The following RSL1D1 variants were observed in gnomAD, a reference collection of about 807,000 sequenced individuals.
RSL1D1 encodes ribosomal L1 domain containing 1.
In RSL1D1, 34 loss-of-function variants were observed where a neutral mutation model predicts 44.6. The observed-to-expected ratio is 0.76, with a 90% CI of 0.58 to 1.02. The LOEUF is 1.02. RSL1D1 is among the 50% of genes least tolerant of loss of function. The pLI is 0.00. For synonymous variants in RSL1D1, 271 were observed against 207.4 expected, an observed-to-expected ratio of 1.31 and a Z score of -2.63; for missense variants, 767 against 568.1, an observed-to-expected ratio of 1.35 and a Z score of -3.56.
At chr16:11,846,945 A>C in intron 3 of RSL1D1, 102 bp from the exon 4 acceptor site, 1 of 1,023,544 alleles carries the variant, frequency 9.8e-7, no homozygotes, top group Non-Finnish European at 1.5e-6. Flanking sequence ...AATGTCCTAG[A>C]GCCATGCCTC....
At position 11,851,500 on chromosome 16, in the gene RSL1D1, C is replaced by A; in HGVS notation, c.13G>T (p.Ala5Ser). The change falls in exon 1 of 9, where the codon GCC (alanine) becomes TCC (serine). Residue 5 changes from alanine to serine, a missense_variant. Ala to Ser is a moderately conservative substitution (Grantham distance 99, BLOSUM62 1). Coordinates refer to ENST00000571133, the MANE Select transcript of RSL1D1 (RefSeq NM_015659.3). Reference sequence around the variant, plus strand: ...GCTGCAGAAGACAGCGAGGCCGAGGCCGAATCCTCCATCTTGTTTCCACCT... The same window carrying A: ...GCTGCAGAAGACAGCGAGGCCGAGGACGAATCCTCCATCTTGTTTCCACCT... Reference protein sequence around the residue: MEDSASASLSSAAAT... With the variant: MEDSSSASLSSAAAT... 1.2e-6 allele frequency: 2 copies of A among 1,613,778 alleles called. No individual in the cohort carries two copies. The highest frequency in any genetic ancestry group is 1.7e-6 in the Non-Finnish European group (2 of 1,179,956).
rs557316201 is a variant in RSL1D1 at position 11,842,761 on chromosome 16, C to CT, written c.636-762dup. Among the ~76,000 whole-genome samples, 949 of 137,270 alleles carry CT rather than the reference C, an allele frequency of 6.9e-3. 3 individuals carry two copies. Among genetic ancestry groups the CT allele is most frequent in the African/African-American group, 0.013 (502 of 37,290 alleles). 90.1% of individuals were successfully genotyped at this position (137,270 alleles called of 152,430 possible). A position where few individuals can be genotyped will look rare whatever the true frequency, so the allele number is the denominator to read the frequency against. On this transcript the variant is annotated intron_variant, in intron 5 of 8. Coordinates refer to ENST00000571133, the MANE Select transcript of RSL1D1 (RefSeq NM_015659.3). Reference sequence around the variant, plus strand: ...AAAATGTCACATCATGAAGGGGTGACTTTTTTTTTTTTTGAGATGGAGTTT... The same window carrying CT: ...AAAATGTCACATCATGAAGGGGTGACTTTTTTTTTTTTTTGAGATGGAGTTT...
chr16:11,842,577 T>C (rs2053770322), intron 5 of RSL1D1, among the ~76,000 whole-genome samples: 1 of 152,034 alleles, frequency 6.6e-6, no homozygotes, highest in Admixed American at 6.6e-5. Flanking sequence ...GCTCAAGTGA[T>C]CCACCAGGCT....
At chr16:11,840,924 C>T (rs1030848246) in intron 7 of RSL1D1, among the ~76,000 whole-genome samples, 1 of 152,190 alleles carries the variant, frequency 6.6e-6, no homozygotes, top group Admixed American at 6.5e-5. Context: ...CTCCAGCCAC[C>T]TACAACCGTG....
Position 11,840,042 on chromosome 16 carries a change from C to A in RSL1D1, c.856-57G>T, listed in dbSNP as rs2053754322. The A allele has an allele frequency of 1.9e-6, 3 of 1,579,070 alleles. No homozygotes were observed. In the Admixed American group the frequency reaches 5.5e-5, roughly 29 times the overall value. ...AGGAACAGTTCTGTTGGTTAACAAACGGCATAGATGTACCACGTGCAGTTT... is the reference window on the plus strand; with the variant it reads ...AGGAACAGTTCTGTTGGTTAACAAAAGGCATAGATGTACCACGTGCAGTTT... On this transcript the variant is annotated intron_variant, in intron 7 of 8. Coordinates refer to ENST00000571133, the MANE Select transcript of RSL1D1 (RefSeq NM_015659.3).
chr16:11,845,860 C>G (rs1051640341), intron 5 of RSL1D1, among the ~76,000 whole-genome samples: 1 of 151,664 alleles, frequency 6.6e-6, no homozygotes, highest in African/African-American at 2.4e-5. Context: ...TAGCTGGGAG[C>G]ACAGGGATGC....
At chr16:11,849,842 TTTA>T (rs1251260785) in intron 2 of RSL1D1, among the ~76,000 whole-genome samples, 1 of 151,926 alleles carries the variant, frequency 6.6e-6, no homozygotes, top group Non-Finnish European at 1.5e-5. Context: ...CTACGGTTCT[TTTA>T]TTTTTTATTA....
At chr16:11,847,552 A>T in intron 3 of RSL1D1, 116 bp downstream of exon 3, 1 of 924,884 alleles carries the variant, frequency 1.1e-6, no homozygotes, top group East Asian at 2.4e-5. Flanking sequence ...CACAAATTAA[A>T]TTAAAAAGAG....
chr16:11,839,923 C>A lies in RSL1D1; in HGVS notation c.918G>T (p.Arg306Ser), dbSNP rs1376182259. ...FEKQKERKKK[R>S]QQARKTASVL... is the part of the protein sequence containing the mutation. ...CTGATGCAGTCTTCCTAGCCTGCTGCCTCTTCTTCTTCCTCTCCTTTTGTT... is the reference window on the plus strand; with the variant it reads ...CTGATGCAGTCTTCCTAGCCTGCTGACTCTTCTTCTTCCTCTCCTTTTGTT... Residue 306 changes from arginine to serine, a missense_variant, in exon 8 of 9, where the codon AGG (arginine) becomes AGT (serine). Arg to Ser is a moderately radical substitution (Grantham distance 110). Transcript: ENST00000571133. 1.9e-6 allele frequency: 3 copies of A among 1,613,786 alleles called. No homozygotes were observed. The South Asian group carries it at 3.3e-5, about 18-fold the overall frequency.
intron 7 of RSL1D1, 93 bp from the exon 8 acceptor site, chr16:11,840,078 TAAGCCCC>T: frequency 1.3e-6 from 2 of 1,522,794 alleles, no homozygotes; most frequent in South Asian, 1.3e-5. Flanking sequence ...TGATTATCCA[TAAGCCCC>T]TAAATGGACC....
In RSL1D1 at chr16:11,835,038, G is replaced by T. The variant is rs532411399; in HGVS notation, c.*2749C>A. Reference sequence around the variant, plus strand: ...AGGTGGGAAGATCGCCTTGAGCCCAGGAAATTGAGGCTGGAGCTGTGATGA... The same window carrying T: ...AGGTGGGAAGATCGCCTTGAGCCCATGAAATTGAGGCTGGAGCTGTGATGA... On this transcript the variant is annotated 3_prime_UTR_variant, in exon 9 of 9. Transcript: ENST00000571133. 2 of 152,368 alleles carry T rather than the reference G, an allele frequency of 1.3e-5. No homozygotes were observed. The highest frequency in any genetic ancestry group is 2.1e-4 in the South Asian group (1 of 4,826). The allele number at this position is 152,368 out of a possible 1,614,324, so 9.4% of individuals were successfully genotyped here.
chr16:11,839,108 G>A (rs996901039), intron 8 of RSL1D1, among the ~76,000 whole-genome samples: 3 of 152,082 alleles, frequency 2.0e-5, no homozygotes, highest in Admixed American at 2.0e-4. Context: ...GTTCATGCCT[G>A]TAATCCCAGC....
rs2053809171 is a variant in RSL1D1, at chr16:11,847,715, A to T, written c.337T>A (p.Phe113Ile). 1 of 1,613,436 alleles carries T rather than the reference A, an allele frequency of 6.2e-7. No homozygotes were observed. The highest frequency in any genetic ancestry group is 8.5e-7 in the Non-Finnish European group (1 of 1,179,560). The change falls in exon 3 of 9, where the codon TTT (phenylalanine) becomes ATT (isoleucine). Residue 113 changes from phenylalanine (F) to isoleucine (I), a missense_variant. Coordinates refer to ENST00000571133, the MANE Select transcript of RSL1D1 (RefSeq NM_015659.3). ...PNSTPEKTEQ[F>I]YRKLLNKHGI... ...TGCTTGTTTAAAAGCTTTCTATAAAACTGTTCTGTCTTTTCAGGAGTTGAA... is the reference window on the plus strand; with the variant it reads ...TGCTTGTTTAAAAGCTTTCTATAAATCTGTTCTGTCTTTTCAGGAGTTGAA...
At chr16:11,845,360 G>A (rs1245395032) in intron 5 of RSL1D1, among the ~76,000 whole-genome samples, 2 of 152,236 alleles carry the variant, frequency 1.3e-5, no homozygotes, top group African/African-American at 4.8e-5. Flanking sequence ...GGCTGAGGTG[G>A]AAGGATTGCT....
At position 11,837,903 on chromosome 16, in the gene RSL1D1, G is replaced by T; in HGVS notation, c.1357C>A (p.Gln453Lys). ...TTGGCCTCTGGCTTTTTTGGAGTCT[G>T]TCTCGCATCTTTTTTCCCCAGCGAA... ...SPSLGKKDAR[Q>K]TPKKPEAKFF... is the part of the protein sequence containing the mutation. The change falls in exon 9 of 9, where the codon CAG (glutamine) becomes AAG (lysine). Residue 453 changes from glutamine (Q) to lysine (K), a missense_variant. Gln to Lys is a moderately conservative substitution (Grantham distance 53). Coordinates refer to ENST00000571133, the MANE Select transcript of RSL1D1 (RefSeq NM_015659.3). 1 of 1,614,042 alleles carries T rather than the reference G, an allele frequency of 6.2e-7. No individual in the cohort carries two copies.
Position 11,837,898 on chromosome 16 carries a change from A to T in RSL1D1, c.1362T>A (p.Thr454=), listed in dbSNP as rs779067212. ...AAAACTTGGCCTCTGGCTTTTTTGG[A>T]GTCTGTCTCGCATCTTTTTTCCCCA... ...PSLGKKDARQ[T]PKKPEAKFFT... is the part of the protein sequence containing the mutation. Residue 454 remains threonine, a synonymous_variant, in exon 9 of 9, where the codon ACT becomes ACA. Transcript: ENST00000571133. 6.2e-7 allele frequency: 1 copy of T among 1,613,772 alleles called. No individual in the cohort carries two copies. Among genetic ancestry groups the T allele is most frequent in the South Asian group, 1.1e-5 (1 of 91,072 alleles).
rs73509765 is a variant in RSL1D1, at chr16:11,845,222, A to T, written c.635+1279T>A. 3.0e-3 allele frequency among the ~76,000 whole-genome samples: 452 copies of T among 152,304 alleles called. 5 individuals are homozygous for T. The highest frequency in any genetic ancestry group is 0.01 in the African/African-American group (432 of 41,568). On this transcript the variant is annotated intron_variant, in intron 5 of 8. Coordinates refer to ENST00000571133, the MANE Select transcript of RSL1D1 (RefSeq NM_015659.3). ...AATCTCAACACTTTTGGAGGCCAGG[A>T]CAGGAGGACCGGTTTTGTCTAGGGG...
Position 11,836,698 on chromosome 16 carries a change from A to T in RSL1D1, c.*1089T>A, listed in dbSNP as rs1030052516. On this transcript the variant is annotated 3_prime_UTR_variant, in exon 9 of 9. Coordinates refer to ENST00000571133, the MANE Select transcript of RSL1D1 (RefSeq NM_015659.3). Reference sequence around the variant, plus strand: ...GTCCCTGTATAAATGACTCCATGTTAATTTCCCTTCCCATATGGATGCTAA... The same window carrying T: ...GTCCCTGTATAAATGACTCCATGTTTATTTCCCTTCCCATATGGATGCTAA... 1 of 152,164 alleles carries T rather than the reference A, an allele frequency of 6.6e-6. No individual in the cohort carries two copies. Among genetic ancestry groups the T allele is most frequent in the Admixed American group, 6.6e-5 (1 of 15,262 alleles). 9.4% of individuals were successfully genotyped at this position (152,164 alleles called of 1,614,324 possible).
At position 11,837,771 on chromosome 16, in the gene RSL1D1, A is replaced by G; in HGVS notation, c.*16T>C. On this transcript the variant is annotated 3_prime_UTR_variant, in exon 9 of 9. Transcript: ENST00000571133. Reference sequence around the variant, plus strand: ...GGAGGCAGCATTGAGGTTTCCTTCCAGTTGAATCACTGACTTTAGGTCGAC... The same window carrying G: ...GGAGGCAGCATTGAGGTTTCCTTCCGGTTGAATCACTGACTTTAGGTCGAC... The G allele has an allele frequency of 6.3e-7, 1 of 1,585,718 alleles. No homozygotes were observed. Among genetic ancestry groups the G allele is most frequent in the Non-Finnish European group, 8.6e-7 (1 of 1,166,020 alleles).
Sources: gnomAD v4.1 joint callset for allele counts (sites outside exome capture counted in the v4.1 genomes callset) on GRCh38, gnomAD v4.1.1 for gene constraint, MANE v1.5 for transcripts, NCBI Gene and HGNC (gene_info 2026-07-23, HGNC 2026-07-21) for gene names.